NSUN4: variants seen among roughly 807,000 people sequenced by gnomAD.
NSUN4 encodes NOP2/Sun RNA methyltransferase 4, also known as 5-cytosine rRNA methyltransferase NSUN4.
Under a neutral mutation model 43.8 loss-of-function variants are expected in NSUN4, and 31 were observed. The observed-to-expected ratio is 0.71, with a 90% CI of 0.53 to 0.96. The LOEUF is 0.96. NSUN4 is among the 40% of genes least tolerant of loss of function. NSUN4 has a pLI of 0.00. For synonymous variants in NSUN4, 167 were observed against 184.1 expected, an observed-to-expected ratio of 0.91 and a Z score of 0.75; for missense variants, 439 against 475.6, an observed-to-expected ratio of 0.92 and a Z score of 0.72.
In NSUN4 at chr1:46,347,046, C is replaced by T. The variant is rs1569740935; in HGVS notation, c.563C>T (p.Thr188Ile). ...LDLCAAPGGKTLALLQTGCCR... is the reference protein window; with the variant it reads ...LDLCAAPGGKILALLQTGCCR... The stretch of plus-strand genomic sequence containing the variant: ...CTATGTGCAGCTCCTGGGGGAAAGA[C>T]ACTAGCGTTGCTTCAGACTGGCTGT... Residue 188 changes from threonine to isoleucine, a missense_variant, in exon 3 of 6, where the codon ACA becomes ATA. By Grantham distance (89) the Thr-to-Ile change is moderately conservative. Transcript: ENST00000474844. 1 of 1,614,120 alleles carries T rather than the reference C, an allele frequency of 6.2e-7. No homozygotes were observed.
the NSUN4 span, among the ~76,000 whole-genome samples, chr1:46,371,931 C>T: frequency 9.2e-5 from 14 of 151,998 alleles, no homozygotes; most frequent in Admixed American, 2.0e-4. Context: ...ATGAGGGATC[C>T]GCCCCTATGA....
At chr1:46,378,899 G>A in the NSUN4 span, among the ~76,000 whole-genome samples, 1 of 152,172 alleles carries the variant, frequency 6.6e-6, no homozygotes, top group Admixed American at 6.5e-5. Flanking sequence ...TTTTCTTATG[G>A]CAGTGGCAGG....
At chr1:46,342,922 A>T in intron 1 of NSUN4, 1 of 399,710 alleles carries the variant, frequency 2.5e-6, no homozygotes. Context: ...ATGCAGCCAT[A>T]CATCACAACT....
chr1:46,360,216 A>G (rs1197177064), intron 4 of NSUN4, among the ~76,000 whole-genome samples: 2 of 113,920 alleles, frequency 1.8e-5, no homozygotes, highest in Non-Finnish European at 3.6e-5. Context: ...GCGACAGAGC[A>G]AGACTCCATC....
chr1:46,361,659 G>C lies in NSUN4; in HGVS notation c.968G>C (p.Gly323Ala). 1 of 1,614,162 alleles carries C rather than the reference G, an allele frequency of 6.2e-7. No individual in the cohort carries two copies. The highest frequency in any genetic ancestry group is 1.3e-5 in the African/African-American group (1 of 75,038). The change falls in exon 6 of 6, where the codon GGT becomes GCT. Residue 323 changes from glycine to alanine, a missense_variant. By Grantham distance (60) the Gly-to-Ala change is moderately conservative. Coordinates refer to ENST00000474844, the MANE Select transcript of NSUN4 (RefSeq NM_199044.4). The stretch of plus-strand genomic sequence containing the variant: ...TTACAGAACGAGTATGTGGTGCAAG[G>C]TGCCATTGAGCTCCTGGCCAATCAA... ...SHLQNEYVVQ[G>A]AIELLANQYS...
intron 1 of NSUN4, 130 bp downstream of exon 1, chr1:46,341,049 C>G (rs1662060354): frequency 9.0e-7 from 1 of 1,111,702 alleles, no homozygotes; most frequent in Non-Finnish European, 1.3e-6. Context: ...AGGCACCTCC[C>G]TCTCTCGTCT....
At chr1:46,371,680 T>TC in the NSUN4 span, among the ~76,000 whole-genome samples, 4 of 152,064 alleles carry the variant, frequency 2.6e-5, no homozygotes, top group Admixed American at 2.0e-4. Context: ...GACTTCGTGA[T>TC]CCCCCCGCCT....
chr1:46,360,203 TG>T (rs1663728363), intron 4 of NSUN4, among the ~76,000 whole-genome samples: 2 of 114,592 alleles, frequency 1.7e-5, no homozygotes, highest in African/African-American at 3.5e-5. Context: ...CACTCCAGCC[TG>T]GGCGACAGAG....
Position 46,361,938 on chromosome 1 carries a change from C to G in NSUN4, c.*92C>G. ...CTGGGACCAGTGGCAGAGATGCACTCTCGGTCCTGTCTCCATCCTGTTCGT... is the reference window on the plus strand; with the variant it reads ...CTGGGACCAGTGGCAGAGATGCACTGTCGGTCCTGTCTCCATCCTGTTCGT... On this transcript the variant is annotated 3_prime_UTR_variant, in exon 6 of 6. Transcript: ENST00000474844. 8.6e-7 allele frequency: 1 copy of G among 1,166,582 alleles called. No individual in the cohort carries two copies. The highest frequency in any genetic ancestry group is 1.2e-6 in the Non-Finnish European group (1 of 822,558). 72.3% of individuals were successfully genotyped at this position (1,166,582 alleles called of 1,614,324 possible).
intron 3 of NSUN4, among the ~76,000 whole-genome samples, chr1:46,350,298 T>C (rs1135460): frequency 0.22 from 34,091 of 152,058 alleles, 4,295 homozygotes; most frequent in Non-Finnish European, 0.29. Context: ...GCTAGGAGGC[T>C]GAGGCAGGTG....
chr1:46,349,546 C>T (rs1662828714), intron 3 of NSUN4, among the ~76,000 whole-genome samples: 1 of 152,208 alleles, frequency 6.6e-6, no homozygotes, highest in South Asian at 2.1e-4. Flanking sequence ...GTAATTTACA[C>T]ACCTAACCTG....
At chr1:46,367,179 A>G (rs1466289207), downstream of NSUN4, among the ~76,000 whole-genome samples, 1 of 152,146 alleles carries the variant, frequency 6.6e-6, no homozygotes, top group African/African-American at 2.4e-5. Context: ...AACTCAAATC[A>G]CCACTCTCAC....
the NSUN4 span, among the ~76,000 whole-genome samples, chr1:46,371,828 C>CG: frequency 6.6e-6 from 1 of 151,926 alleles, no homozygotes; most frequent in African/African-American, 2.4e-5. Context: ...TGGAGGTGGG[C>CG]GGGGGGTGCC....
intron 1 of NSUN4, chr1:46,341,662 C>G: frequency 8.2e-7 from 1 of 1,224,656 alleles, no homozygotes; most frequent in Non-Finnish European, 1.0e-6. Flanking sequence ...CCACAACCTT[C>G]CTCGCACTCA....
the NSUN4 span, among the ~76,000 whole-genome samples, chr1:46,375,962 C>T: frequency 2.0e-5 from 3 of 150,544 alleles, no homozygotes; most frequent in East Asian, 2.0e-4. Flanking sequence ...CAAAATTAGC[C>T]GGGGGTGGTG....
At chr1:46,371,906 T>C in the NSUN4 span, among the ~76,000 whole-genome samples, 2 of 152,038 alleles carry the variant, frequency 1.3e-5, no homozygotes, top group Non-Finnish European at 2.9e-5. Context: ...ATTGAGGAGA[T>C]GGCCCAAACC....
intron 4 of NSUN4, among the ~76,000 whole-genome samples, chr1:46,355,237 T>G (rs754144986): frequency 6.6e-6 from 1 of 152,194 alleles, no homozygotes; most frequent in Non-Finnish European, 1.5e-5. Flanking sequence ...CCATTATCAT[T>G]ATTCAGCCTA....
intron 3 of NSUN4, among the ~76,000 whole-genome samples, chr1:46,350,171 C>T (rs886994379): frequency 2.6e-5 from 4 of 152,112 alleles, no homozygotes; most frequent in Admixed American, 2.0e-4. Context: ...TTTCTCAGTT[C>T]ATATCCTTCT....
intron 1 of NSUN4, chr1:46,342,049 A>C (rs1211832363): frequency 4.4e-6 from 4 of 906,918 alleles, no homozygotes; most frequent in Admixed American, 4.3e-5. Context: ...CCTCCTACAC[A>C]TAGGACCCCG....
Sources: allele counts gnomAD v4.1 joint callset (sites outside exome capture counted in the v4.1 genomes callset), GRCh38; gene constraint gnomAD v4.1.1; transcripts MANE v1.5; gene names NCBI Gene and HGNC (gene_info 2026-07-23, HGNC 2026-07-21).